The following PRAG1 variants were observed in gnomAD, a reference collection of about 807,000 sequenced individuals.
PRAG1 encodes the protein inactive tyrosine-protein kinase PRAG1.
A neutral mutation model predicts 95.6 loss-of-function variants in PRAG1; 110 were observed. The ratio of observed to expected loss-of-function variants is 1.15; its 90% confidence interval spans 0.99 to 1.35. PRAG1 has a LOEUF of 1.35. PRAG1 is among the 40% of genes most tolerant of loss of function. The pLI is 0.00. For synonymous variants in PRAG1, 1,052 were observed against 819.4 expected (o/e 1.28, Z -4.85); for missense variants, 2,554 against 1,864.7 (o/e 1.37, Z -6.81).
intron 1 of PRAG1, among the ~76,000 whole-genome samples, chr8:8,383,196 C>T (rs1800741270): frequency 6.6e-6 from 1 of 152,172 alleles, no homozygotes; most frequent in Admixed American, 6.5e-5. Context: ...GAAGTGCTCT[C>T]TTTTATCTCC....
chr8:8,318,270 T>G lies in PRAG1; in HGVS notation c.4105A>C (p.Lys1369Gln). 6.2e-7 allele frequency: 1 copy of G among 1,614,188 alleles called. No individual in the cohort carries two copies. The highest frequency in any genetic ancestry group is 8.5e-7 in the Non-Finnish European group (1 of 1,180,018). ...RALMMMKFAE[K>Q]AVDRRRGVEL... Reference sequence around the variant, plus strand: ...ACGCCCCGCCTGCGATCCACCGCCTTCTCCGCAAACTTCATCATCATCAGG... The same window carrying G: ...ACGCCCCGCCTGCGATCCACCGCCTGCTCCGCAAACTTCATCATCATCAGG... Residue 1369 changes from lysine (K) to glutamine (Q), a missense_variant, in exon 6 of 6, where the codon AAG becomes CAG. Coordinates refer to ENST00000615670, the MANE Select transcript of PRAG1 (RefSeq NM_001080826.3). The surrounding 1 kb of genome is among the most constrained non-coding windows in gnomAD (Gnocchi z 4.2).
rs185414741 is a variant in PRAG1, at chr8:8,319,406, T to C, written c.3073-104A>G. 480 of 946,154 alleles carry C rather than the reference T, an allele frequency of 5.1e-4. 5 individuals carry two copies. In the African/African-American group the frequency reaches 6.7e-3, roughly 13 times the overall value. 58.6% of individuals were successfully genotyped at this position (946,154 alleles called of 1,614,324 possible). A position where few individuals can be genotyped will look rare whatever the true frequency, so the allele number is the denominator to read the frequency against. On this transcript the variant is annotated intron_variant, in intron 5 of 5. Coordinates refer to ENST00000615670, the MANE Select transcript of PRAG1 (RefSeq NM_001080826.3). ...TCTACGTGCAATAAGCCTATCCACATAGGCTTAAGGGTAAGAGCAATCCAT... is the reference window on the plus strand; with the variant it reads ...TCTACGTGCAATAAGCCTATCCACACAGGCTTAAGGGTAAGAGCAATCCAT...
At chr8:8,343,344 C>T (rs1223464547) in intron 3 of PRAG1, among the ~76,000 whole-genome samples, 2 of 152,168 alleles carry the variant, frequency 1.3e-5, no homozygotes, top group Non-Finnish European at 2.9e-5. Context: ...TAAATACACA[C>T]ATTCCTATAA....
At chr8:8,347,767 C>T (rs1481780797) in intron 3 of PRAG1, among the ~76,000 whole-genome samples, 1 of 148,490 alleles carries the variant, frequency 6.7e-6, no homozygotes, top group Non-Finnish European at 1.5e-5. Flanking sequence ...ACCTGCAGAC[C>T]TAGGAGAGAA....
At position 8,381,545 on chromosome 8, in the gene PRAG1, C is replaced by T. The variant is rs373963411; in HGVS notation, c.203G>A (p.Arg68His). Residue 68 changes from arginine (R) to histidine (H), a missense_variant, in exon 2 of 6, where the codon CGC becomes CAC. Transcript: ENST00000615670. ...GCTGTTCACACCTTCATCTTCCAGG[C>T]GGCAGTTCTCAGGCCTGGGAGGCAG... The part of the protein sequence containing the change: ...PRLPPRPENC[R>H]LEDEGVNSSP... The T allele has an allele frequency of 2.1e-5, 34 of 1,614,074 alleles. No homozygotes were observed. Among genetic ancestry groups the T allele is most frequent in the East Asian group, 4.5e-5 (2 of 44,898 alleles).
At chr8:8,381,992 G>T (rs1456205134) in intron 1 of PRAG1, among the ~76,000 whole-genome samples, 158 bp from the exon 2 acceptor site, 2 of 152,128 alleles carry the variant, frequency 1.3e-5, no homozygotes, top group African/African-American at 4.8e-5. Flanking sequence ...TTGTCACAAG[G>T]CTCTTAAACA....
intron 4 of PRAG1, among the ~76,000 whole-genome samples, chr8:8,330,922 C>T (rs1251431724): frequency 6.6e-6 from 1 of 152,204 alleles, no homozygotes; most frequent in African/African-American, 2.4e-5. Context: ...GACTGTAAGC[C>T]TCAGTCACCA....
At chr8:8,378,577 G>C (rs1800516547) in intron 2 of PRAG1, among the ~76,000 whole-genome samples, 1 of 152,074 alleles carries the variant, frequency 6.6e-6, no homozygotes, top group African/African-American at 2.4e-5. Context: ...GAACACACTG[G>C]AGCCAGATGC....
rs951650328 is a variant in PRAG1 at position 8,317,976 on chromosome 8, C to A, written c.*178G>T. ...GACGAGTGTGGACGGGCAACAGCAT[C>A]CTTAGTCTTTCATATTTATATATGG... is the stretch of plus-strand genomic sequence containing the variant. On this transcript the variant is annotated 3_prime_UTR_variant, in exon 6 of 6. Transcript: ENST00000615670. 4.1e-5 allele frequency: 18 copies of A among 436,024 alleles called. No individual in the cohort carries two copies. In the South Asian group the frequency reaches 7.4e-4, roughly 18 times the overall value. 27.0% of individuals were successfully genotyped at this position (436,024 alleles called of 1,614,324 possible).
At chr8:8,375,348 C>T (rs1003870885) in intron 3 of PRAG1, among the ~76,000 whole-genome samples, 24 of 152,186 alleles carry the variant, frequency 1.6e-4, no homozygotes, top group African/African-American at 4.1e-4. Flanking sequence ...GGACTACAGG[C>T]GCCCGCCACC....
At chr8:8,323,763 C>T (rs944539075) in intron 5 of PRAG1, among the ~76,000 whole-genome samples, 1 of 152,102 alleles carries the variant, frequency 6.6e-6, no homozygotes, top group Admixed American at 6.5e-5. Flanking sequence ...ATCTCTTTCC[C>T]TTGTAAATTA....
intron 3 of PRAG1, among the ~76,000 whole-genome samples, chr8:8,340,341 G>A (rs1465582395): frequency 4.6e-5 from 7 of 152,140 alleles, no homozygotes; most frequent in Admixed American, 2.6e-4. Context: ...CACTCACATT[G>A]GAGAAAACAG....
chr8:8,324,566 C>G (rs879932459), intron 5 of PRAG1, among the ~76,000 whole-genome samples: 1 of 152,108 alleles, frequency 6.6e-6, no homozygotes, highest in Non-Finnish European at 1.5e-5. Flanking sequence ...ATCTCCATCT[C>G]CCTACTCCCT....
At chr8:8,368,740 C>T (rs1027734978) in intron 3 of PRAG1, among the ~76,000 whole-genome samples, 2 of 152,068 alleles carry the variant, frequency 1.3e-5, no homozygotes, top group African/African-American at 4.8e-5. Flanking sequence ...ACCACACTGC[C>T]TAAGCTTGTA....
chr8:8,353,655 G>C (rs748565288), intron 3 of PRAG1, among the ~76,000 whole-genome samples: 1 of 151,998 alleles, frequency 6.6e-6, no homozygotes, highest in Non-Finnish European at 1.5e-5. Context: ...AGTAGAAAAA[G>C]GACAAAACCA....
chr8:8,343,809 T>C (rs1302762525), intron 3 of PRAG1, among the ~76,000 whole-genome samples: 1 of 152,220 alleles, frequency 6.6e-6, no homozygotes, highest in Non-Finnish European at 1.5e-5. Context: ...ACAGATGTCT[T>C]GCATGTGGGC....
rs1798379518 is a variant in PRAG1, at chr8:8,318,913, C to T, written c.3462G>A (p.Val1154=). The T allele has an allele frequency of 6.2e-7, 1 of 1,607,010 alleles. No homozygotes were observed. Among genetic ancestry groups the T allele is most frequent in the Non-Finnish European group, 8.5e-7 (1 of 1,177,290 alleles). ...CGGGGCCGGCCTGGAGGGTGCAGTG[C>T]ACCAGCAGCAGGTTCTCCAGGCACA... The part of the protein sequence containing the change: ...RDLCLENLLL[V]HCTLQAGPGP... Residue 1154 remains valine, a synonymous_variant, in exon 6 of 6, where the codon GTG becomes GTA. Coordinates refer to ENST00000615670, the MANE Select transcript of PRAG1 (RefSeq NM_001080826.3). The surrounding 1 kb of genome is among the most constrained non-coding windows in gnomAD (Gnocchi z 4.2).
At chr8:8,375,999 G>C (rs995321615) in intron 3 of PRAG1, among the ~76,000 whole-genome samples, 1 of 152,182 alleles carries the variant, frequency 6.6e-6, no homozygotes, top group African/African-American at 2.4e-5. Context: ...ACAGCTTGGT[G>C]AAAGATTGAT....
intron 1 of PRAG1, among the ~76,000 whole-genome samples, chr8:8,385,556 G>T (rs531061000): frequency 1.3e-5 from 2 of 152,212 alleles, no homozygotes; most frequent in African/African-American, 4.8e-5. Context: ...AAAGCCTTCT[G>T]AGCCTGACTC....
Sources: gnomAD v4.1 joint callset for allele counts (sites outside exome capture counted in the v4.1 genomes callset) on GRCh38, gnomAD v4.1.1 for gene constraint, Gnocchi (gnomAD v3.1) non-coding constraint, MANE v1.5 for transcripts, NCBI Gene and HGNC (gene_info 2026-07-23, HGNC 2026-07-21) for gene names.